CSMD3: variants seen among roughly 807,000 people sequenced by gnomAD.
CSMD3 encodes CUB and sushi domain-containing protein 3.
Under a neutral mutation model 435.2 loss-of-function variants are expected in CSMD3, and 177 were observed. The observed-to-expected ratio is 0.41, with a 90% CI of 0.36 to 0.46. CSMD3 has a LOEUF of 0.46. CSMD3 is among the 20% of genes least tolerant of loss of function. The pLI is 0.34. For missense variants in CSMD3, 4,265 were observed against 4,504.6 expected, an observed-to-expected ratio of 0.95 and a Z score of 1.52; for synonymous variants, 1,656 against 1,520.5, an observed-to-expected ratio of 1.09 and a Z score of -2.07.
At chr8:112,516,744 A>T (rs183954287) in intron 28 of CSMD3, among the ~76,000 whole-genome samples, 29 of 152,298 alleles carry the variant, frequency 1.9e-4, no homozygotes. Flanking sequence ...AGCAATGGAT[A>T]ACTATGGCTA....
intron 35 of CSMD3, among the ~76,000 whole-genome samples, chr8:112,392,229 T>A (rs1242713537): frequency 6.6e-6 from 1 of 151,108 alleles, no homozygotes; most frequent in Non-Finnish European, 1.5e-5. Context: ...AAAGAACATA[T>A]CTTTTGTAAT....
chr8:113,422,476 A>G (rs1312356735), intron 1 of CSMD3, among the ~76,000 whole-genome samples: 1 of 152,178 alleles, frequency 6.6e-6, no homozygotes, highest in Admixed American at 6.6e-5. Flanking sequence ...AAGTCAATCA[A>G]TATGGTATTC....
chr8:112,685,875 G>C (rs769422384), intron 14 of CSMD3, 143 bp from the exon 15 acceptor site: 4 of 647,210 alleles, frequency 6.2e-6, no homozygotes, highest in Non-Finnish European at 1.0e-5. Flanking sequence ...AGAACAAAAC[G>C]GTTACCATTT....
chr8:112,281,298 A>G lies in CSMD3; in HGVS notation c.9384T>C (p.Ile3128=), dbSNP rs2130580228. 1.9e-6 allele frequency: 3 copies of G among 1,613,562 alleles called. No homozygotes were observed. The South Asian group carries it at 3.3e-5, about 18-fold the overall frequency. The change falls in exon 59 of 71, where the codon ATT becomes ATC. Residue 3128 remains isoleucine (I), a synonymous_variant. Coordinates refer to ENST00000297405, the MANE Select transcript of CSMD3 (RefSeq NM_198123.2). ...GTTANGKVFR[I]DGTTFSSSVI... ...CTGAACTAGAAAATGTTGTGCCATC[A>G]ATTCGGAAGACTTTCCCATTGGCTG...
At position 112,873,472 on chromosome 8, in the gene CSMD3, A is replaced by T. The variant is rs537850932; in HGVS notation, c.1634-14206T>A. 1.2e-4 allele frequency among the ~76,000 whole-genome samples: 18 copies of T among 152,086 alleles called. No individual in the cohort carries two copies. In the South Asian group the frequency reaches 3.7e-3, roughly 32 times the overall value. The stretch of plus-strand genomic sequence containing the variant: ...TTTCTTAATCTTTTAGCTAAAATCC[A>T]TTCTTCCAAATCCTTACTTCTATTA... On this transcript the variant is annotated intron_variant, in intron 10 of 70. Coordinates refer to ENST00000297405, the MANE Select transcript of CSMD3 (RefSeq NM_198123.2).
At chr8:112,284,391 A>G (rs1818970532) in intron 58 of CSMD3, among the ~76,000 whole-genome samples, 1 of 151,880 alleles carries the variant, frequency 6.6e-6, no homozygotes, top group Non-Finnish European at 1.5e-5. Flanking sequence ...GAGTAAAAAT[A>G]CCAATAATTT....
At chr8:112,393,064 T>C (rs1003793635) in intron 35 of CSMD3, among the ~76,000 whole-genome samples, 2 of 152,116 alleles carry the variant, frequency 1.3e-5, no homozygotes, top group Non-Finnish European at 2.9e-5. Flanking sequence ...AATTTTTATA[T>C]AGCTAATTTG....
At chr8:112,563,445 T>C (rs902089809) in intron 24 of CSMD3, among the ~76,000 whole-genome samples, 4 of 151,674 alleles carry the variant, frequency 2.6e-5, no homozygotes, top group Non-Finnish European at 4.4e-5. Flanking sequence ...TTCCTACATA[T>C]AAAGTTCTTA....
rs555997765 is a variant in CSMD3 at position 112,312,628 on chromosome 8, A to T, written c.7696+1278T>A. Among the ~76,000 whole-genome samples, 7 of 152,310 alleles carry T rather than the reference A, an allele frequency of 4.6e-5. No homozygotes were observed. In the East Asian group the frequency reaches 1.4e-3, roughly 29 times the overall value. ...ATTTTTGATTTAATAGAAACATTGTAGGATACAATTATGTACATAGTAGTA... is the reference window on the plus strand; with the variant it reads ...ATTTTTGATTTAATAGAAACATTGTTGGATACAATTATGTACATAGTAGTA... On this transcript the variant is annotated intron_variant, in intron 49 of 70. Coordinates refer to ENST00000297405, the MANE Select transcript of CSMD3 (RefSeq NM_198123.2).
At chr8:112,848,150 A>G (rs1221664953) in intron 11 of CSMD3, among the ~76,000 whole-genome samples, 1 of 152,170 alleles carries the variant, frequency 6.6e-6, no homozygotes, top group East Asian at 1.9e-4. Flanking sequence ...AACAGAAATC[A>G]AATCTATGTT....
intron 22 of CSMD3, among the ~76,000 whole-genome samples, chr8:112,604,927 T>G (rs4876478): frequency 0.25 from 24,868 of 100,604 alleles, 2,404 homozygotes; most frequent in Middle Eastern, 0.44. Flanking sequence ...AGAACCTTGT[T>G]AGCAAGCAAA....
At chr8:112,583,466 T>G (rs1257445598) in intron 23 of CSMD3, among the ~76,000 whole-genome samples, 1 of 151,986 alleles carries the variant, frequency 6.6e-6, no homozygotes, top group Non-Finnish European at 1.5e-5. Context: ...AATGTGAACA[T>G]TAAAGGATTT....
intron 13 of CSMD3, among the ~76,000 whole-genome samples, chr8:112,759,850 C>T (rs1278261112): frequency 6.6e-6 from 1 of 151,922 alleles, no homozygotes; most frequent in East Asian, 1.9e-4. Flanking sequence ...TCATAATTAC[C>T]ATTCTCAGAA....
At chr8:113,214,560 T>C (rs2092878953) in intron 3 of CSMD3, among the ~76,000 whole-genome samples, 1 of 151,950 alleles carries the variant, frequency 6.6e-6, no homozygotes, top group South Asian at 2.1e-4. Context: ...AAAACAGTTC[T>C]AGGAAGATTC....
At chr8:112,686,651 A>T (rs186790134) in intron 14 of CSMD3, among the ~76,000 whole-genome samples, 1 of 151,830 alleles carries the variant, frequency 6.6e-6, no homozygotes, top group African/African-American at 2.4e-5. Context: ...ACGCCCAGCT[A>T]ATTTTTGTAT....
intron 32 of CSMD3, among the ~76,000 whole-genome samples, chr8:112,410,628 G>GTATATATATGTATATATATGTGTT (rs71309769): frequency 1.4e-5 from 1 of 69,954 alleles, no homozygotes. Flanking sequence ...ATATATATGT[G>GTATATATATGTATATATATGTGTT]TATATATATG....
chr8:113,155,897 T>G (rs2091919334), intron 4 of CSMD3, among the ~76,000 whole-genome samples: 1 of 152,036 alleles, frequency 6.6e-6, no homozygotes, highest in South Asian at 2.1e-4. Context: ...ATATAAAAAC[T>G]GTTGGAAGGT....
intron 9 of CSMD3, 49 bp downstream of exon 9, chr8:112,947,741 A>G (rs986204339): frequency 1.2e-6 from 1 of 825,844 alleles, no homozygotes; most frequent in Non-Finnish European, 2.1e-6. Flanking sequence ...TTTAAATTAA[A>G]ATAAACCTTG....
At chr8:112,555,758 G>A (rs1395005039) in intron 25 of CSMD3, among the ~76,000 whole-genome samples, 2 of 151,838 alleles carry the variant, frequency 1.3e-5, no homozygotes, top group African/African-American at 2.4e-5. Flanking sequence ...CAAGTTTTAT[G>A]GCAATTCCTA....
Sources: gnomAD v4.1 joint callset for allele counts (sites outside exome capture counted in the v4.1 genomes callset) on GRCh38, gnomAD v4.1.1 for gene constraint, MANE v1.5 for transcripts, NCBI Gene and HGNC (gene_info 2026-07-23, HGNC 2026-07-21) for gene names.